ZRANB3: variants seen among roughly 807,000 people sequenced by gnomAD.
ZRANB3 encodes DNA annealing helicase and endonuclease ZRANB3.
In ZRANB3, 125 loss-of-function variants were observed where a neutral mutation model predicts 133.8. That is an observed-to-expected ratio of 0.93 (90% CI 0.81 to 1.08). The LOEUF (loss-of-function observed/expected upper bound fraction) is 1.08. ZRANB3 is among the 50% of genes least tolerant of loss of function. The pLI is 0.00. For missense variants in ZRANB3, 1,229 were observed against 1,275.5 expected, an observed-to-expected ratio of 0.96 and a Z score of 0.56; for synonymous variants, 387 against 432.7, an observed-to-expected ratio of 0.89 and a Z score of 1.31.
chr2:135,354,325 A>G (rs747084401), intron 3 of ZRANB3, among the ~76,000 whole-genome samples: 28 of 152,244 alleles, frequency 1.8e-4, no homozygotes, highest in Non-Finnish European at 3.8e-4. Flanking sequence ...AAACAAGCAG[A>G]CATAGAGAAG....
At chr2:135,466,382 C>CAAAAAAA (rs553890734) in intron 2 of ZRANB3, among the ~76,000 whole-genome samples, 6 of 28,236 alleles carry the variant, frequency 2.1e-4, no homozygotes, top group Non-Finnish European at 4.0e-4. Flanking sequence ...GACTCCGTCA[C>CAAAAAAA]AAAAAAAAAA....
chr2:135,349,028 C>T (rs1291690742), intron 5 of ZRANB3, among the ~76,000 whole-genome samples: 2 of 152,170 alleles, frequency 1.3e-5, no homozygotes, highest in African/African-American at 4.8e-5. Flanking sequence ...ACAGCACTGT[C>T]AGTGGGCATC....
chr2:135,309,311 T>G (rs1682859476), intron 8 of ZRANB3, among the ~76,000 whole-genome samples: 1 of 152,096 alleles, frequency 6.6e-6, no homozygotes, highest in Non-Finnish European at 1.5e-5. Flanking sequence ...GGTGAAAGAC[T>G]AAATGCCTTC....
chr2:135,224,535 A>G lies in ZRANB3; in HGVS notation c.2159-18T>C, dbSNP rs1209186051. 1 of 1,597,730 alleles carries G rather than the reference A, an allele frequency of 6.3e-7. No homozygotes were observed. Among genetic ancestry groups the G allele is most frequent in the Non-Finnish European group, 8.6e-7 (1 of 1,167,992 alleles). On this transcript the variant is annotated intron_variant, in intron 14 of 20. Transcript: ENST00000264159. ...CCACTGTTCTATTAAAGAAGACAAA[A>G]GAGAACCTGAAGGCTTATCTACCCT...
At chr2:135,507,357 T>C (rs142427062) in intron 1 of ZRANB3, among the ~76,000 whole-genome samples, 36 of 152,334 alleles carry the variant, frequency 2.4e-4, no homozygotes, top group Non-Finnish European at 4.4e-4. Context: ...AGATAGAGAA[T>C]GGATACACAC....
intron 8 of ZRANB3, among the ~76,000 whole-genome samples, chr2:135,296,705 G>A (rs977925203): frequency 6.6e-6 from 1 of 152,056 alleles, no homozygotes; most frequent in Non-Finnish European, 1.5e-5. Flanking sequence ...CATTTTTGTG[G>A]TTTTATCTAC....
rs115145512 is a variant in ZRANB3 at position 135,297,565 on chromosome 2, G to A, written c.966+15924C>T. 7.5e-3 allele frequency among the ~76,000 whole-genome samples: 1,138 copies of A among 152,272 alleles called. 13 individuals carry two copies. The highest frequency in any genetic ancestry group is 0.026 in the African/African-American group (1,087 of 41,552). On this transcript the variant is annotated intron_variant, in intron 8 of 20. Coordinates refer to ENST00000264159, the MANE Select transcript of ZRANB3 (RefSeq NM_032143.4). ...CTCGCCCTGCTTTGGCTCATGCACC[G>A]TGCGCTGCACCCACTGTCCTGCACC...
chr2:135,504,639 C>T (rs1693093885), intron 1 of ZRANB3, 143 bp from the exon 2 acceptor site: 1 of 784,894 alleles, frequency 1.3e-6, no homozygotes, highest in Non-Finnish European at 1.9e-6. Flanking sequence ...CATATTCTCA[C>T]AGTAAGCTAC....
At chr2:135,439,818 T>G (rs924200759) in intron 2 of ZRANB3, among the ~76,000 whole-genome samples, 2 of 152,222 alleles carry the variant, frequency 1.3e-5, no homozygotes, top group African/African-American at 4.8e-5. Context: ...TCTCAAGTGA[T>G]TTTAATGTGC....
intron 3 of ZRANB3, among the ~76,000 whole-genome samples, chr2:135,369,543 C>G (rs1686077150): frequency 6.6e-6 from 1 of 151,480 alleles, no homozygotes; most frequent in African/African-American, 2.4e-5. Flanking sequence ...GAAGAGGACA[C>G]GAAGCTAAGA....
chr2:135,399,239 C>T (rs536871492), intron 2 of ZRANB3, among the ~76,000 whole-genome samples: 1 of 152,252 alleles, frequency 6.6e-6, no homozygotes, highest in East Asian at 1.9e-4. Flanking sequence ...AACCTCTGGA[C>T]CTGCTTTCTT....
intron 12 of ZRANB3, among the ~76,000 whole-genome samples, chr2:135,246,554 TC>T: frequency 6.6e-6 from 1 of 152,286 alleles, no homozygotes; most frequent in South Asian, 2.1e-4. Context: ...CAACAATGAC[TC>T]CCTGCTCCTT....
chr2:135,302,856 C>T (rs7561578), intron 8 of ZRANB3, among the ~76,000 whole-genome samples: 2,523 of 152,132 alleles, frequency 0.017, 64 homozygotes, highest in African/African-American at 0.055. Context: ...AGACAAGAAA[C>T]GATCTAAAAG....
chr2:135,471,719 G>C (rs921932130), intron 2 of ZRANB3, among the ~76,000 whole-genome samples: 3 of 152,146 alleles, frequency 2.0e-5, no homozygotes, highest in South Asian at 2.1e-4. Context: ...CAGTTTTCTC[G>C]ATAGTACATC....
At chr2:135,423,168 C>T (rs1223743870) in intron 2 of ZRANB3, among the ~76,000 whole-genome samples, 1 of 152,186 alleles carries the variant, frequency 6.6e-6, no homozygotes, top group Non-Finnish European at 1.5e-5. Flanking sequence ...CGCACTGGAT[C>T]ATGCCTGTAA....
At chr2:135,480,950 T>C (rs929952730) in intron 2 of ZRANB3, among the ~76,000 whole-genome samples, 9 of 148,994 alleles carry the variant, frequency 6.0e-5, no homozygotes, top group South Asian at 2.2e-4. Flanking sequence ...GAACTCATCA[T>C]TTTTTATGGC....
chr2:135,489,553 T>C (rs1692283478), intron 2 of ZRANB3, among the ~76,000 whole-genome samples: 1 of 150,764 alleles, frequency 6.6e-6, no homozygotes, highest in Non-Finnish European at 1.5e-5. Context: ...ACAGAAAACA[T>C]AAAGAGGAGA....
chr2:135,407,057 A>C (rs375787284), intron 2 of ZRANB3, among the ~76,000 whole-genome samples: 1 of 152,086 alleles, frequency 6.6e-6, no homozygotes, highest in Non-Finnish European at 1.5e-5. Flanking sequence ...TGACATGATT[A>C]TATATCTAGA....
chr2:135,448,382 G>A (rs939557426), intron 2 of ZRANB3, among the ~76,000 whole-genome samples: 3 of 152,130 alleles, frequency 2.0e-5, no homozygotes, highest in Admixed American at 6.5e-5. Context: ...AAATCTCAAA[G>A]TAATCTTATG....
Sources: gnomAD v4.1 joint callset for allele counts (sites outside exome capture counted in the v4.1 genomes callset) on GRCh38, gnomAD v4.1.1 for gene constraint, MANE v1.5 for transcripts, NCBI Gene and HGNC (gene_info 2026-07-23, HGNC 2026-07-21) for gene names.